Variants in LMCD1 observed in about 807,000 individuals in gnomAD.
LMCD1 encodes the protein LIM and cysteine rich domains 1.
In LMCD1, 32 loss-of-function variants were observed where a neutral mutation model predicts 42.7. The ratio of observed to expected loss-of-function variants is 0.75; its 90% CI spans 0.57 to 1.01. The LOEUF is 1.01. Ranked by LOEUF, LMCD1 falls within the 50% of genes least tolerant of loss-of-function variation. LMCD1 has a pLI of 0.00. For synonymous variants in LMCD1, 178 were observed against 184.9 expected, an observed-to-expected ratio of 0.96 and a Z score of 0.30; for missense variants, 458 against 483.1, an observed-to-expected ratio of 0.95 and a Z score of 0.49.
Position 8,509,094 on chromosome 3 carries a change from A to G in LMCD1, c.42+7114A>G, listed in dbSNP as rs114521705. On this transcript the variant is annotated intron_variant, in intron 1 of 5. Transcript: ENST00000157600. The stretch of plus-strand genomic sequence containing the variant: ...TAGTTCTACATTTAAACGATAGTTT[A>G]ATGAGGTAAAGTGCATAAAGTGCCT... Among the ~76,000 whole-genome samples the G allele has an allele frequency of 7.9e-3, 1,205 of 152,340 alleles. 19 individuals carry two copies. Among genetic ancestry groups the G allele is most frequent in the African/African-American group, 0.027 (1,131 of 41,572 alleles).
At chr3:8,515,431 C>T (rs6784560) in intron 1 of LMCD1, among the ~76,000 whole-genome samples, 1 of 152,014 alleles carries the variant, frequency 6.6e-6, no homozygotes, top group Non-Finnish European at 1.5e-5. Context: ...GTGAAGTCCT[C>T]GTGTGGACTT....
intron 4 of LMCD1, among the ~76,000 whole-genome samples, chr3:8,563,801 G>A (rs983261013): frequency 3.3e-5 from 5 of 152,152 alleles, no homozygotes; most frequent in East Asian, 1.9e-4. Flanking sequence ...AAAGTCAACC[G>A]CAACAGTGAC....
At chr3:8,523,943 A>T (rs1484993736) in intron 1 of LMCD1, among the ~76,000 whole-genome samples, 1 of 152,216 alleles carries the variant, frequency 6.6e-6, no homozygotes, top group African/African-American at 2.4e-5. Context: ...ACAGGCAGTT[A>T]TCGTATTGGT....
chr3:8,518,543 T>C (rs1319786787), intron 1 of LMCD1, among the ~76,000 whole-genome samples: 1 of 152,170 alleles, frequency 6.6e-6, no homozygotes, highest in African/African-American at 2.4e-5. Flanking sequence ...TTTCCAAGTC[T>C]CCTTGCCTTG....
chr3:8,564,208 T>C (rs181603394), intron 4 of LMCD1, among the ~76,000 whole-genome samples: 16 of 152,330 alleles, frequency 1.1e-4, no homozygotes, highest in Non-Finnish European at 1.0e-4. Context: ...GTGGAATATA[T>C]AGAAATTCTC....
At position 8,571,242 on chromosome 3, in the gene LMCD1, C is replaced by T. The variant is rs968424858; in HGVS notation, c.*3644C>T. The stretch of plus-strand genomic sequence containing the variant: ...ATAATTATTTATTCATGAAAGCCTT[C>T]CCCTATGAACTTCTAAAGAATAATC... On this transcript the variant is annotated 3_prime_UTR_variant, in exon 6 of 6. Transcript: ENST00000157600. 6.6e-6 allele frequency: 1 copy of T among 152,186 alleles called. No homozygotes were observed. Among genetic ancestry groups the T allele is most frequent in the Non-Finnish European group, 1.5e-5 (1 of 68,030 alleles). The allele number at this position is 152,186 out of a possible 1,614,324, so 9.4% of individuals were successfully genotyped here. A position where few individuals can be genotyped will look rare whatever the true frequency, so the allele number is the denominator to read the frequency against.
At position 8,567,495 on chromosome 3, in the gene LMCD1, A is replaced by C. The variant is rs1674822153; in HGVS notation, c.995A>C (p.His332Pro). The C allele has an allele frequency of 6.2e-7, 1 of 1,614,070 alleles. No individual in the cohort carries two copies. Among genetic ancestry groups the C allele is most frequent in the Non-Finnish European group, 8.5e-7 (1 of 1,180,022 alleles). Residue 332 changes from histidine to proline, a missense_variant, in exon 6 of 6, where the codon CAC (histidine) becomes CCC (proline). Coordinates refer to ENST00000157600, the MANE Select transcript of LMCD1 (RefSeq NM_014583.4). ...RVEDLAWHRK[H>P]FVCEGCEQLL... Reference sequence around the variant, plus strand: ...GAAGATCTGGCCTGGCACCGAAAGCACTTTGTCTGTGAGGGTTGTGAGCAG... The same window carrying C: ...GAAGATCTGGCCTGGCACCGAAAGCCCTTTGTCTGTGAGGGTTGTGAGCAG...
chr3:8,502,689 C>T (rs1693786428), intron 1 of LMCD1, among the ~76,000 whole-genome samples: 1 of 151,572 alleles, frequency 6.6e-6, no homozygotes, highest in African/African-American at 2.4e-5. Flanking sequence ...CCAGGGTCTG[C>T]ACGTTTCCCT....
At chr3:8,503,741 C>G (rs982549136) in intron 1 of LMCD1, among the ~76,000 whole-genome samples, 9 of 152,154 alleles carry the variant, frequency 5.9e-5, no homozygotes, top group Admixed American at 5.9e-4. Context: ...ATTTGTGTGT[C>G]TGAACTGCCT....
intron 1 of LMCD1, among the ~76,000 whole-genome samples, chr3:8,522,787 T>C (rs1011502531): frequency 6.6e-6 from 1 of 152,054 alleles, no homozygotes; most frequent in African/African-American, 2.4e-5. Flanking sequence ...AAAAAAGGAA[T>C]GATTGAACAA....
rs1301214170 is a variant in LMCD1 at position 8,548,455 on chromosome 3, TGAGAATGCTGGAA to T, written c.388-104_388-92del. 5 of 630,928 alleles carry T rather than the reference TGAGAATGCTGGAA, an allele frequency of 7.9e-6. No individual in the cohort carries two copies. In the African/African-American group the frequency reaches 9.2e-5, roughly 12 times the overall value. 39.1% of individuals were successfully genotyped at this position (630,928 alleles called of 1,614,324 possible). On this transcript the variant is annotated intron_variant, in intron 3 of 5. Transcript: ENST00000157600. ...TAAAGACTGTGGGTCTTTCAGTTGC[TGAGAATGCTGGAA>T]GAGAATGCATTTTCAGTTTTAGGTA...
chr3:8,521,058 G>A lies in LMCD1; in HGVS notation c.43-11679G>A, dbSNP rs117563026. On this transcript the variant is annotated intron_variant, in intron 1 of 5. Transcript: ENST00000157600. ...TGTAGCTAGTTCAAAGGGAGCTGGT[G>A]TCAAAGGAAAATATTAGTTCAGCCT... Among the ~76,000 whole-genome samples the A allele has an allele frequency of 6.1e-4, 93 of 152,324 alleles. 1 individual carries two copies. The East Asian group carries it at 0.018, about 29-fold the overall frequency.
At chr3:8,533,902 A>C (rs942355128) in intron 2 of LMCD1, among the ~76,000 whole-genome samples, 3 of 151,696 alleles carry the variant, frequency 2.0e-5, no homozygotes, top group Non-Finnish European at 4.4e-5. Flanking sequence ...GACAGTTCCC[A>C]ACCTCAGAGG....
intron 2 of LMCD1, among the ~76,000 whole-genome samples, chr3:8,535,332 G>T (rs1694490478): frequency 6.6e-6 from 1 of 151,440 alleles, no homozygotes; most frequent in Non-Finnish European, 1.5e-5. Flanking sequence ...AATTTTTTTT[G>T]AGAAGGAAAA....
chr3:8,556,647 C>T (rs1343383591), intron 4 of LMCD1, among the ~76,000 whole-genome samples: 4 of 152,144 alleles, frequency 2.6e-5, no homozygotes, highest in East Asian at 1.9e-4. Context: ...CGGGCAAAGC[C>T]GTTGCAATTG....
chr3:8,525,319 A>G, intron 1 of LMCD1, among the ~76,000 whole-genome samples: 1 of 152,162 alleles, frequency 6.6e-6, no homozygotes, highest in East Asian at 1.9e-4. Flanking sequence ...TATTTCACGT[A>G]GCATAATGTC....
At chr3:8,503,091 G>C (rs556215572) in intron 1 of LMCD1, among the ~76,000 whole-genome samples, 2 of 152,326 alleles carry the variant, frequency 1.3e-5, no homozygotes, top group East Asian at 3.9e-4. Context: ...CAGGGATACT[G>C]ACACTGTGAG....
intron 4 of LMCD1, among the ~76,000 whole-genome samples, chr3:8,559,709 C>A (rs183419083): frequency 0.01 from 1,540 of 152,134 alleles, no homozygotes; most frequent in South Asian, 0.035. Flanking sequence ...GGCTGAGGGA[C>A]CACCAGACGA....
rs1166043540 is a variant in LMCD1 at position 8,571,174 on chromosome 3, T to C, written c.*3576T>C. 6.6e-6 allele frequency: 1 copy of C among 152,194 alleles called. No homozygotes were observed. The highest frequency in any genetic ancestry group is 1.5e-5 in the Non-Finnish European group (1 of 68,026). The allele number at this position is 152,194 out of a possible 1,614,324, so 9.4% of individuals were successfully genotyped here. A position where few individuals can be genotyped will look rare whatever the true frequency, so the allele number is the denominator to read the frequency against. On this transcript the variant is annotated 3_prime_UTR_variant, in exon 6 of 6. Coordinates refer to ENST00000157600, the MANE Select transcript of LMCD1 (RefSeq NM_014583.4). ...GTGCCCTTTATCTGTAAGTTCATAA[T>C]ATCCCAGGCTTACAGTAATTCTTCC...
Sources: allele counts gnomAD v4.1 joint callset (sites outside exome capture counted in the v4.1 genomes callset), GRCh38; gene constraint gnomAD v4.1.1; transcripts MANE v1.5; gene names NCBI Gene and HGNC (gene_info 2026-07-23, HGNC 2026-07-21).